DLG2: variants seen among roughly 807,000 people sequenced by gnomAD.
DLG2 encodes the protein discs large MAGUK scaffold protein 2, also known as disks large homolog 2.
Under a neutral mutation model 132.5 loss-of-function variants are expected in DLG2, and 45 were observed. The ratio of observed to expected loss-of-function variants is 0.34; its 90% confidence interval spans 0.27 to 0.44. The LOEUF (loss-of-function observed/expected upper bound fraction) is 0.44. Ranked by LOEUF, DLG2 falls within the 20% of genes least tolerant of loss-of-function variation. DLG2 has a pLI of 1.00. For missense variants in DLG2, 1,045 were observed against 1,196.9 expected, an observed-to-expected ratio of 0.87 and a Z score of 1.87; for synonymous variants, 424 against 419.6, an observed-to-expected ratio of 1.01 and a Z score of -0.13.
chr11:85,361,861 G>T (rs554541219), intron 3 of DLG2, among the ~76,000 whole-genome samples: 3 of 152,044 alleles, frequency 2.0e-5, no homozygotes, highest in African/African-American at 7.2e-5. Flanking sequence ...AATTTGATAG[G>T]GATTGTGTTG....
At chr11:84,566,840 CT>C (rs2099458255) in intron 6 of DLG2, among the ~76,000 whole-genome samples, 1 of 152,114 alleles carries the variant, frequency 6.6e-6, no homozygotes, top group South Asian at 2.1e-4. Flanking sequence ...ATAAAAAACC[CT>C]GATGCAGTCC....
chr11:85,096,173 T>C (rs572423393), intron 6 of DLG2, among the ~76,000 whole-genome samples: 1 of 152,312 alleles, frequency 6.6e-6, no homozygotes, highest in East Asian at 1.9e-4. Flanking sequence ...CAGCAGGATG[T>C]GGGCGGGGCC....
chr11:84,142,608 C>G (rs2154240754), intron 9 of DLG2, among the ~76,000 whole-genome samples: 1 of 152,226 alleles, frequency 6.6e-6, no homozygotes, highest in Admixed American at 6.6e-5. Context: ...GAAGTTCTCC[C>G]TCACCAATGC....
At chr11:84,315,542 T>G (rs1252673350) in intron 7 of DLG2, among the ~76,000 whole-genome samples, 4 of 152,188 alleles carry the variant, frequency 2.6e-5, no homozygotes, top group African/African-American at 7.2e-5. Context: ...GTATATACAG[T>G]GTTCACAACT....
chr11:85,467,707 T>C (rs1483143856), intron 3 of DLG2, among the ~76,000 whole-genome samples: 1 of 152,152 alleles, frequency 6.6e-6, no homozygotes, highest in Non-Finnish European at 1.5e-5. Flanking sequence ...CTGAATTCAG[T>C]TTGCCAGTAT....
chr11:84,694,353 A>T (rs2058386216), intron 6 of DLG2, among the ~76,000 whole-genome samples: 1 of 151,700 alleles, frequency 6.6e-6, no homozygotes, highest in Non-Finnish European at 1.5e-5. Context: ...TCAGTTTTAC[A>T]ATCTTAGTAA....
intron 14 of DLG2, among the ~76,000 whole-genome samples, chr11:83,945,213 T>C (rs933930885): frequency 1.3e-5 from 2 of 152,116 alleles, no homozygotes; most frequent in Non-Finnish European, 2.9e-5. Context: ...GAGGCAGAGA[T>C]TGTAGTGACC....
At chr11:85,021,792 C>T in intron 6 of DLG2, 1 of 516,880 alleles carries the variant, frequency 1.9e-6, no homozygotes, top group Admixed American at 3.3e-5. Flanking sequence ...CTGACTGCTG[C>T]TCGAGGTGGG....
chr11:84,594,284 T>C (rs1264282255), intron 6 of DLG2, among the ~76,000 whole-genome samples: 1 of 152,180 alleles, frequency 6.6e-6, no homozygotes, highest in African/African-American at 2.4e-5. Context: ...TCTTCTCCAT[T>C]GATGACCTCA....
intron 22 of DLG2, among the ~76,000 whole-genome samples, chr11:83,474,107 C>A (rs1199563625): frequency 2.6e-5 from 4 of 152,032 alleles, no homozygotes; most frequent in Non-Finnish European, 5.9e-5. Context: ...AGAGAGTGGA[C>A]CTTGATGCTC....
At chr11:84,836,864 CTTTT>C (rs36091492) in intron 6 of DLG2, among the ~76,000 whole-genome samples, 3 of 151,600 alleles carry the variant, frequency 2.0e-5, no homozygotes, top group Admixed American at 6.6e-5. Flanking sequence ...AAAGCATATA[CTTTT>C]TTTTATTACA....
chr11:85,228,194 A>G (rs935626979), intron 4 of DLG2, among the ~76,000 whole-genome samples: 3 of 152,064 alleles, frequency 2.0e-5, no homozygotes, highest in African/African-American at 7.2e-5. Flanking sequence ...AGTGCATAGT[A>G]GAAGCTCAAT....
intron 8 of DLG2, among the ~76,000 whole-genome samples, chr11:84,190,122 C>G (rs2096376227): frequency 6.6e-6 from 1 of 150,394 alleles, no homozygotes; most frequent in South Asian, 2.1e-4. Context: ...AGGAAGTAGC[C>G]AGATAAAGGT....
chr11:83,675,770 G>A, intron 18 of DLG2, among the ~76,000 whole-genome samples: 1 of 152,162 alleles, frequency 6.6e-6, no homozygotes, highest in Non-Finnish European at 1.5e-5. Context: ...GATAGGCAAC[G>A]AGTTGAACAA....
chr11:83,466,283 T>C (rs1459241356), intron 26 of DLG2, among the ~76,000 whole-genome samples: 2 of 152,178 alleles, frequency 1.3e-5, no homozygotes, highest in Admixed American at 1.3e-4. Context: ...GATTTACTTA[T>C]AGACCTGCCT....
In DLG2 at chr11:84,033,655, C is replaced by T. The variant is rs571254419; in HGVS notation, c.919+25660G>A. Among the ~76,000 whole-genome samples, 15 of 152,318 alleles carry T rather than the reference C, an allele frequency of 9.8e-5. No homozygotes were observed. The South Asian group carries it at 2.7e-3, about 27-fold the overall frequency. On this transcript the variant is annotated intron_variant, in intron 11 of 27. Transcript: ENST00000376104. ...AGGAAGTTCTAATGTGGGTAAAACG[C>T]TACCAAACGGTACCACATGCTACAA... is the stretch of plus-strand genomic sequence containing the variant.
At chr11:85,585,331 T>C (rs932323207) in intron 3 of DLG2, among the ~76,000 whole-genome samples, 1 of 152,242 alleles carries the variant, frequency 6.6e-6, no homozygotes, top group Admixed American at 6.5e-5. Context: ...GCTTTATTTC[T>C]GGGTTCTCTG....
intron 7 of DLG2, among the ~76,000 whole-genome samples, chr11:84,382,118 G>A (rs2098750904): frequency 6.6e-6 from 1 of 152,158 alleles, no homozygotes; most frequent in African/African-American, 2.4e-5. Flanking sequence ...TGACATGGAA[G>A]GAAATAAACA....
intron 19 of DLG2, among the ~76,000 whole-genome samples, chr11:83,626,739 G>A (rs143162104): frequency 6.6e-6 from 1 of 152,266 alleles, no homozygotes; most frequent in Non-Finnish European, 1.5e-5. Flanking sequence ...TAACATATAT[G>A]GAGACTTGGA....
Sources: allele counts gnomAD v4.1 joint callset (sites outside exome capture counted in the v4.1 genomes callset), GRCh38; gene constraint gnomAD v4.1.1; transcripts MANE v1.5; gene names NCBI Gene and HGNC (gene_info 2026-07-23, HGNC 2026-07-21).